The following UNC93A variants were observed in gnomAD, a reference collection of about 807,000 sequenced individuals.
The protein encoded by UNC93A is unc-93 homolog A, also known as N-acetylglucosamine transporter UNC93A.
UNC93A carries 43 observed loss-of-function variants against 47.5 expected under a neutral mutation model. That is an observed-to-expected ratio of 0.91 (90% CI 0.71 to 1.17). The LOEUF is 1.17. UNC93A is among the 50% of genes most tolerant of loss of function. The pLI, the probability that UNC93A is intolerant of heterozygous loss-of-function variation, is 0.00. For synonymous variants in UNC93A, 280 were observed against 258.0 expected (o/e 1.09, Z -0.82); for missense variants, 605 against 577.6 (o/e 1.05, Z -0.49).
At chr6:167,279,032 A>G (rs923101416) in intron 1 of UNC93A, among the ~76,000 whole-genome samples, 14 of 152,250 alleles carry the variant, frequency 9.2e-5, no homozygotes, top group African/African-American at 3.4e-4. Flanking sequence ...GTACACAGCA[A>G]CCTGCAACAC....
At chr6:167,276,413 T>C (rs1165109248) in intron 1 of UNC93A, among the ~76,000 whole-genome samples, 1 of 152,220 alleles carries the variant, frequency 6.6e-6, no homozygotes, top group African/African-American at 2.4e-5. Context: ...GTGGTTTTTT[T>C]GAGGAATCTC....
intron 4 of UNC93A, among the ~76,000 whole-genome samples, chr6:167,302,899 T>C (rs1239701037): frequency 6.6e-6 from 1 of 152,192 alleles, no homozygotes; most frequent in African/African-American, 2.4e-5. Context: ...GCGCTTGTTC[T>C]GAGTAGTGTG....
intron 4 of UNC93A, among the ~76,000 whole-genome samples, chr6:167,298,525 CT>C (rs373731342): frequency 0.031 from 4,405 of 144,094 alleles, 236 homozygotes; most frequent in African/African-American, 0.1. Flanking sequence ...CTATAAGCCA[CT>C]TTTTTTTTTT....
intron 1 of UNC93A, among the ~76,000 whole-genome samples, chr6:167,274,457 GTTC>G (rs1290807777): frequency 2.0e-5 from 3 of 152,146 alleles, no homozygotes; most frequent in South Asian, 2.1e-4. Context: ...GCGTCATCCT[GTTC>G]TTCTTCTTCC....
intron 1 of UNC93A, among the ~76,000 whole-genome samples, chr6:167,285,940 C>CTT (rs1583065651): frequency 1.7e-5 from 2 of 119,724 alleles, no homozygotes; most frequent in South Asian, 2.7e-4. Context: ...AGTTTTCTTT[C>CTT]TCTCTCTCTC....
intron 1 of UNC93A, among the ~76,000 whole-genome samples, chr6:167,275,660 G>A (rs1278935726): frequency 6.6e-6 from 1 of 152,248 alleles, no homozygotes; most frequent in Admixed American, 6.5e-5. Context: ...GTCCCAGCAG[G>A]CTGGCTGGAC....
At chr6:167,308,624 C>T (rs1405078676) in intron 7 of UNC93A, among the ~76,000 whole-genome samples, 1 of 151,706 alleles carries the variant, frequency 6.6e-6, no homozygotes, top group African/African-American at 2.4e-5. Flanking sequence ...GGGGCTGGGG[C>T]CCCTAAGAAG....
At chr6:167,294,776 C>A in intron 2 of UNC93A, 78 bp downstream of exon 2, 1 of 1,453,310 alleles carries the variant, frequency 6.9e-7, no homozygotes, top group South Asian at 1.3e-5. Flanking sequence ...ACATGAGTTG[C>A]ATTTGCACCT....
chr6:167,284,514 C>T (rs1783688055), intron 1 of UNC93A, among the ~76,000 whole-genome samples: 1 of 152,282 alleles, frequency 6.6e-6, no homozygotes, highest in Non-Finnish European at 1.5e-5. Context: ...AAGCGAAGGC[C>T]AGGCATGCCC....
chr6:167,295,696 G>A (rs1158852381), intron 2 of UNC93A, among the ~76,000 whole-genome samples: 1 of 126,924 alleles, frequency 7.9e-6, no homozygotes, highest in Non-Finnish European at 1.6e-5. Context: ...CGCCTGCCTC[G>A]TGCTCCTCGC....
chr6:167,272,292 G>A (rs778704879), intron 1 of UNC93A, among the ~76,000 whole-genome samples: 2 of 152,216 alleles, frequency 1.3e-5, no homozygotes, highest in Admixed American at 6.5e-5. Context: ...AGTGGCAGAC[G>A]TGCAGGTGGC....
At position 167,306,033 on chromosome 6, in the gene UNC93A, C is replaced by T. The variant is rs772060714; in HGVS notation, c.959C>T (p.Ala320Val). The change falls in exon 6 of 8, where the codon GCT (alanine) becomes GTT (valine). Residue 320 changes from alanine (A) to valine (V), a missense_variant. Transcript: ENST00000230256. The part of the protein sequence containing the change: ...YGKVSQYTGR[A>V]VLYVLGAVTH... Reference sequence around the variant, plus strand: ...AAGGTCTCGCAGTACACGGGCAGGGCTGTGCTGTACGTGCTGGGTAGGTAT... The same window carrying T: ...AAGGTCTCGCAGTACACGGGCAGGGTTGTGCTGTACGTGCTGGGTAGGTAT... 1 of 1,614,166 alleles carries T rather than the reference C, an allele frequency of 6.2e-7. No homozygotes were observed. The highest frequency in any genetic ancestry group is 8.5e-7 in the Non-Finnish European group (1 of 1,180,024).
At chr6:167,300,861 C>G (rs1293122445) in intron 4 of UNC93A, among the ~76,000 whole-genome samples, 1 of 152,232 alleles carries the variant, frequency 6.6e-6, no homozygotes, top group Non-Finnish European at 1.5e-5. Context: ...ACAAAGACTT[C>G]TCCTATCTAT....
chr6:167,314,415 C>T (rs1778635452), intron 7 of UNC93A, among the ~76,000 whole-genome samples: 1 of 152,142 alleles, frequency 6.6e-6, no homozygotes, highest in Admixed American at 6.5e-5. Flanking sequence ...GGGGCTCAGG[C>T]TGCCACTGTC....
In UNC93A at chr6:167,315,302, C is replaced by T. The variant is rs140401270; in HGVS notation, c.1224C>T (p.His408=). ...AFGYSMFLCV[H]VKLYILLGVL... ...GGTACAGCATGTTTTTGTGCGTGCACGTCAAGCTCTACATTCTGCTGGGGG... is the reference window on the plus strand; with the variant it reads ...GGTACAGCATGTTTTTGTGCGTGCATGTCAAGCTCTACATTCTGCTGGGGG... The change falls in exon 8 of 8, where the codon CAC becomes CAT. Residue 408 remains histidine (H), a synonymous_variant. Transcript: ENST00000230256. 899 of 1,613,684 alleles carry T rather than the reference C, an allele frequency of 5.6e-4. No homozygotes were observed. Among genetic ancestry groups the T allele is most frequent in the Non-Finnish European group, 7.1e-4 (841 of 1,179,710 alleles).
intron 5 of UNC93A, among the ~76,000 whole-genome samples, chr6:167,304,614 A>C (rs1778331314): frequency 6.6e-6 from 1 of 151,022 alleles, no homozygotes; most frequent in Non-Finnish European, 1.5e-5. Context: ...CTTGTTGCCC[A>C]GGCTGGAGTG....
upstream of UNC93A, among the ~76,000 whole-genome samples, chr6:167,287,377 C>T (rs964263536): frequency 6.6e-6 from 1 of 152,144 alleles, no homozygotes; most frequent in African/African-American, 2.4e-5. Context: ...GTGTGTACCA[C>T]CCCATACTCC....
chr6:167,288,641 C>T (rs900371104), upstream of UNC93A, among the ~76,000 whole-genome samples: 41 of 152,158 alleles, frequency 2.7e-4, no homozygotes, highest in Non-Finnish European at 5.6e-4. Context: ...ACAAAGATTT[C>T]AGATGTAAAT....
rs182660497 is a variant in UNC93A, at chr6:167,308,763, G to A, written c.1108+853G>A. On this transcript the variant is annotated intron_variant, in intron 7 of 7. Transcript: ENST00000230256. ...AGCAGCAGAAAGCGCTGACACCCAG[G>A]AGTGACTGGGAGCTATGTGGAGTCG... 3.9e-5 allele frequency among the ~76,000 whole-genome samples: 6 copies of A among 152,082 alleles called. No individual in the cohort carries two copies. In the East Asian group the frequency reaches 1.2e-3, roughly 29 times the overall value.
Sources: allele counts gnomAD v4.1 joint callset (sites outside exome capture counted in the v4.1 genomes callset), GRCh38; gene constraint gnomAD v4.1.1; transcripts MANE v1.5; gene names NCBI Gene and HGNC (gene_info 2026-07-23, HGNC 2026-07-21).